MAD1L1: variants seen among roughly 807,000 people sequenced by gnomAD.
MAD1L1 encodes mitotic arrest deficient 1 like 1, also known as mitotic spindle assembly checkpoint protein MAD1.
A neutral mutation model predicts 96.9 loss-of-function variants in MAD1L1; 95 were observed. The observed-to-expected ratio is 0.98, with a 90% CI of 0.83 to 1.16. The LOEUF (loss-of-function observed/expected upper bound fraction) is 1.16. Ranked by LOEUF, MAD1L1 falls within the 50% of genes most tolerant of loss-of-function variation. The probability of loss-of-function intolerance (pLI) is 0.00; values close to 1 mark genes in which losing one functional copy is unlikely to be tolerated. For missense variants in MAD1L1, 1,007 were observed against 954.4 expected (o/e 1.06, Z -0.73); for synonymous variants, 473 against 396.6 (o/e 1.19, Z -2.29).
chr7:2,138,032 G>A (rs776325264), intron 11 of MAD1L1, among the ~76,000 whole-genome samples: 6 of 152,226 alleles, frequency 3.9e-5, no homozygotes, highest in African/African-American at 4.8e-5. Context: ...CTGACAGCGC[G>A]GGCCAGCCCA....
chr7:2,204,032 A>C (rs968544346), intron 10 of MAD1L1, among the ~76,000 whole-genome samples: 11 of 152,206 alleles, frequency 7.2e-5, no homozygotes, highest in African/African-American at 1.2e-4. Flanking sequence ...ATTTGCATTT[A>C]TGCAGCTTGT....
At chr7:1,962,824 G>C (rs1780006558) in intron 15 of MAD1L1, among the ~76,000 whole-genome samples, 1 of 152,236 alleles carries the variant, frequency 6.6e-6, no homozygotes, top group African/African-American at 2.4e-5. Flanking sequence ...GTGCACACCT[G>C]TAGTCCCAGC....
chr7:2,144,169 G>A (rs149737271), intron 11 of MAD1L1, among the ~76,000 whole-genome samples: 1,721 of 152,304 alleles, frequency 0.011, 20 homozygotes, highest in African/African-American at 0.039. Flanking sequence ...TGTTTAGCCC[G>A]GGGCTCAAGT....
chr7:1,960,958 A>G (rs1395187819), intron 15 of MAD1L1, among the ~76,000 whole-genome samples: 1 of 152,240 alleles, frequency 6.6e-6, no homozygotes, highest in Non-Finnish European at 1.5e-5. Flanking sequence ...TCATGGAATT[A>G]AACTAGCAAT....
chr7:2,021,586 G>A (rs901367374), intron 12 of MAD1L1, among the ~76,000 whole-genome samples: 8 of 150,746 alleles, frequency 5.3e-5, no homozygotes, highest in African/African-American at 1.2e-4. Flanking sequence ...ACAATGCGGC[G>A]AAACCTCGTC....
At chr7:1,845,854 T>TG (rs1047712614) in intron 18 of MAD1L1, 2 of 152,616 alleles carry the variant, frequency 1.3e-5, no homozygotes, top group Admixed American at 1.3e-4. Context: ...GAGCTGTTTC[T>TG]GGGGAGGCAG....
intron 13 of MAD1L1, among the ~76,000 whole-genome samples, chr7:2,002,981 A>G (rs867482962): frequency 2.2e-4 from 1 of 4,612 alleles, no homozygotes; most frequent in Non-Finnish European, 5.2e-4. Flanking sequence ...ACCTAAACAC[A>G]TTGCGGCTCT....
intron 18 of MAD1L1, among the ~76,000 whole-genome samples, chr7:1,841,107 G>A (rs1409821522): frequency 6.6e-6 from 1 of 152,204 alleles, no homozygotes; most frequent in Non-Finnish European, 1.5e-5. Context: ...GTGCGGCTCT[G>A]GGGGTCCTGT....
intron 17 of MAD1L1, among the ~76,000 whole-genome samples, chr7:1,901,490 T>C (rs1262006136): frequency 2.0e-5 from 3 of 152,134 alleles, no homozygotes; most frequent in Non-Finnish European, 2.9e-5. Flanking sequence ...TGGGACCACA[T>C]AGGCACTGCC....
intron 11 of MAD1L1, among the ~76,000 whole-genome samples, chr7:2,117,093 G>T (rs1469213023): frequency 1.3e-5 from 2 of 152,206 alleles, no homozygotes; most frequent in Admixed American, 1.3e-4. Flanking sequence ...GGCAGAGGCA[G>T]CCAGGCAGGC....
intron 18 of MAD1L1, among the ~76,000 whole-genome samples, chr7:1,840,805 C>T (rs535702124): frequency 2.4e-4 from 36 of 152,334 alleles, no homozygotes; most frequent in African/African-American, 8.7e-4. Context: ...CCTGGGCATG[C>T]GGTTTCTCTG....
At chr7:2,080,028 C>T (rs1785560874) in intron 11 of MAD1L1, 2 of 294,980 alleles carry the variant, frequency 6.8e-6, no homozygotes, top group South Asian at 6.0e-5. Context: ...ACCCTGTCAG[C>T]GCTGGCTGCC....
chr7:2,130,137 C>T (rs1291577193), intron 11 of MAD1L1, among the ~76,000 whole-genome samples: 2 of 152,280 alleles, frequency 1.3e-5, no homozygotes, highest in Non-Finnish European at 2.9e-5. Flanking sequence ...CAAATGCCCT[C>T]CTCTTGGATT....
chr7:2,043,675 T>C (rs1330303201), intron 12 of MAD1L1, among the ~76,000 whole-genome samples: 1 of 152,178 alleles, frequency 6.6e-6, no homozygotes, highest in Non-Finnish European at 1.5e-5. Flanking sequence ...GCTGAGCGCC[T>C]GTTTCCCACC....
intron 18 of MAD1L1, among the ~76,000 whole-genome samples, chr7:1,876,369 G>A (rs1404374383): frequency 6.6e-6 from 1 of 151,962 alleles, no homozygotes; most frequent in Non-Finnish European, 1.5e-5. Context: ...CCTTCGCACA[G>A]GTGGTCACCC....
chr7:1,817,863 G>A (rs1281582059), intron 18 of MAD1L1, among the ~76,000 whole-genome samples: 1 of 151,960 alleles, frequency 6.6e-6, no homozygotes, highest in South Asian at 2.1e-4. Context: ...CCTGGGCTGG[G>A]CCCCGCCCTG....
At chr7:2,113,395 C>T (rs947884466) in intron 11 of MAD1L1, among the ~76,000 whole-genome samples, 2 of 152,262 alleles carry the variant, frequency 1.3e-5, no homozygotes, top group East Asian at 3.9e-4. Context: ...GCCCGACTAA[C>T]ATGGCGAAAC....
At chr7:1,914,504 C>T (rs539026140) in intron 17 of MAD1L1, among the ~76,000 whole-genome samples, 23 of 152,328 alleles carry the variant, frequency 1.5e-4, no homozygotes, top group African/African-American at 3.8e-4. Flanking sequence ...CAGAAAAGGC[C>T]GGATGTGGAT....
rs563738764 is a variant in MAD1L1 at position 2,016,556 on chromosome 7, C to T, written c.1219-1914G>A. Among the ~76,000 whole-genome samples the T allele has an allele frequency of 2.9e-4, 44 of 152,338 alleles. 1 individual carries two copies. Among genetic ancestry groups the T allele is most frequent in the East Asian group, 1.7e-3 (9 of 5,170 alleles). On this transcript the variant is annotated intron_variant, in intron 12 of 18. Transcript: ENST00000265854. ...AGTGCTCCCCAGCACTGATGACTGC[C>T]TGGCCCCTGCCAGGCCCTCGGTCTA... is the stretch of plus-strand genomic sequence containing the variant.
Sources: gnomAD v4.1 joint callset for allele counts (sites outside exome capture counted in the v4.1 genomes callset) on GRCh38, gnomAD v4.1.1 for gene constraint, MANE v1.5 for transcripts, NCBI Gene and HGNC (gene_info 2026-07-23, HGNC 2026-07-21) for gene names.